The following LAMA1 variants were observed in gnomAD, a reference collection of about 807,000 sequenced individuals.
The protein encoded by LAMA1 is laminin subunit alpha-1.
In LAMA1, 219 loss-of-function variants were observed where a neutral mutation model predicts 348.7. The ratio of observed to expected loss-of-function variants is 0.63; its 90% CI spans 0.56 to 0.70. LAMA1 has a LOEUF of 0.70. Among genes scored for constraint, LAMA1 ranks in the 30% least tolerant of loss-of-function variants. LAMA1 has a pLI of 0.00. For synonymous variants in LAMA1, 1,487 were observed against 1,491.0 expected (o/e 1.00, Z 0.06); for missense variants, 3,744 against 3,888.0 (o/e 0.96, Z 0.99).
At chr18:7,100,708 G>A (rs2058288060) in intron 1 of LAMA1, among the ~76,000 whole-genome samples, 1 of 152,124 alleles carries the variant, frequency 6.6e-6, no homozygotes, top group South Asian at 2.1e-4. Context: ...GAGAGAAGTA[G>A]ACACAAAAGA....
chr18:7,107,243 T>A (rs192442573), intron 1 of LAMA1, among the ~76,000 whole-genome samples: 1 of 151,472 alleles, frequency 6.6e-6, no homozygotes, highest in Non-Finnish European at 1.5e-5. Flanking sequence ...CTCTGCCTCC[T>A]GAGTAGCTAG....
intron 36 of LAMA1, among the ~76,000 whole-genome samples, chr18:6,991,422 GCT>G (rs1363796044): frequency 1.9e-4 from 22 of 117,738 alleles, no homozygotes; most frequent in African/African-American, 7.4e-4. Context: ...ACGGAGTCTT[GCT>G]CTGTCGCCCA....
intron 33 of LAMA1, among the ~76,000 whole-genome samples, chr18:6,996,405 T>A (rs518044): frequency 9.2e-5 from 14 of 152,214 alleles, no homozygotes; most frequent in African/African-American, 3.1e-4. Flanking sequence ...TGCTACCTGG[T>A]GCACTGCATA....
intron 40 of LAMA1, among the ~76,000 whole-genome samples, 165 bp downstream of exon 40, chr18:6,982,934 C>T (rs1405357307): frequency 1.3e-5 from 2 of 152,056 alleles, no homozygotes; most frequent in Non-Finnish European, 2.9e-5. Context: ...GTATTTATGA[C>T]CTTAAAAAAT....
rs1190952646 is a variant in LAMA1 at position 7,044,698 on chromosome 18, C to A, written c.976+24G>T. On this transcript the variant is annotated intron_variant, in intron 7 of 62. Transcript: ENST00000389658. The stretch of plus-strand genomic sequence containing the variant: ...CGTATTAAGAGGAAAACTGTACTGA[C>A]CTTCAGATTCTAAGTATACTGACCT... 1.9e-6 allele frequency: 3 copies of A among 1,564,228 alleles called. No individual in the cohort carries two copies. The African/African-American group carries it at 4.1e-5, about 21-fold the overall frequency.
In LAMA1 at chr18:6,948,935, C is replaced by T. The variant is rs141704516; in HGVS notation, c.8556+166G>A. The stretch of plus-strand genomic sequence containing the variant: ...GAAAGACTGATCGGGTTCTGAGGGG[C>T]GGCCCTGGCACACGATCTGTGGACA... On this transcript the variant is annotated intron_variant, in intron 59 of 62. Coordinates refer to ENST00000389658, the MANE Select transcript of LAMA1 (RefSeq NM_005559.4). Among the ~76,000 whole-genome samples, 732 of 152,266 alleles carry T rather than the reference C, an allele frequency of 4.8e-3. 4 individuals carry two copies. The highest frequency in any genetic ancestry group is 7.3e-3 in the Non-Finnish European group (497 of 68,020).
At chr18:7,107,408 G>A (rs190254694) in intron 1 of LAMA1, among the ~76,000 whole-genome samples, 2 of 151,946 alleles carry the variant, frequency 1.3e-5, no homozygotes, top group African/African-American at 4.8e-5. Context: ...GTGAGCCACC[G>A]CCCCCAGCCA....
At chr18:7,002,478 A>G (rs572222491) in intron 29 of LAMA1, 93 bp from the exon 30 acceptor site, 2 of 1,304,188 alleles carry the variant, frequency 1.5e-6, no homozygotes, top group South Asian at 1.2e-5. Flanking sequence ...CACGTTTTAT[A>G]TCAGCTAGCT....
intron 54 of LAMA1, 49 bp downstream of exon 54, chr18:6,959,292 C>T (rs1360402970): frequency 1.2e-6 from 2 of 1,613,678 alleles, no homozygotes; most frequent in East Asian, 2.2e-5. Context: ...CACATTCCCT[C>T]TGAGCTCACC....
Position 6,955,482 on chromosome 18 carries a change from G to A in LAMA1, c.8095-17C>T. The A allele has an allele frequency of 6.2e-7, 1 of 1,600,684 alleles. No individual in the cohort carries two copies. Among genetic ancestry groups the A allele is most frequent in the East Asian group, 2.2e-5 (1 of 44,774 alleles). ...ACACTGTTCCTGTAAGAGACACACA[G>A]GGACACTCAGCCGCCACCCGCAGCC... On this transcript the variant is annotated splice_polypyrimidine_tract_variant and intron_variant, in intron 56 of 62. Transcript: ENST00000389658.
Position 6,978,339 on chromosome 18 carries a change from G to A in LAMA1, c.6047C>T (p.Thr2016Met), listed in dbSNP as rs757553691. Residue 2016 changes from threonine (T) to methionine (M), a missense_variant, in exon 43 of 63, where the codon ACG becomes ATG. By Grantham distance (81) the Thr-to-Met change is moderately conservative. This residue lies in a region of LAMA1 where 1,983 missense variants were observed against 1,934.3 expected (regional missense o/e 1.03). Coordinates refer to ENST00000389658, the MANE Select transcript of LAMA1 (RefSeq NM_005559.4). ...DKGAKTKELA[T>M]SASQSAVSTL... ...GCTCACCGCGCTCTGGCTTGCAGAC[G>A]TGGCCAGCTCTTTGGTTTTGGCTCC... The A allele has an allele frequency of 2.9e-5, 47 of 1,614,080 alleles. No homozygotes were observed. In the East Asian group the frequency reaches 4.5e-4, roughly 15 times the overall value.
At chr18:7,110,750 G>A (rs915365506) in intron 1 of LAMA1, among the ~76,000 whole-genome samples, 3 of 152,130 alleles carry the variant, frequency 2.0e-5, no homozygotes, top group Non-Finnish European at 4.4e-5. Context: ...TGAACTGGGA[G>A]GCGGAGGTTG....
chr18:7,039,060 A>G, intron 10 of LAMA1, 110 bp from the exon 11 acceptor site: 1 of 901,756 alleles, frequency 1.1e-6, no homozygotes, highest in Non-Finnish European at 1.9e-6. Flanking sequence ...CAGGTGAATA[A>G]ACGTCCAAAG....
chr18:7,010,152 CA>C, intron 26 of LAMA1, 47 bp downstream of exon 26: 8 of 1,600,714 alleles, frequency 5.0e-6, no homozygotes, highest in Non-Finnish European at 6.8e-6. Context: ...ACATCCATAG[CA>C]AAGTCAATGT....
chr18:7,011,084 G>A (rs2057857674), intron 25 of LAMA1, among the ~76,000 whole-genome samples: 1 of 152,114 alleles, frequency 6.6e-6, no homozygotes. Flanking sequence ...TTAATATAAC[G>A]TGAACTTAAA....
intron 56 of LAMA1, 182 bp downstream of exon 56, chr18:6,956,454 T>A (rs2057578569): frequency 1.1e-6 from 1 of 929,922 alleles, no homozygotes; most frequent in Admixed American, 1.8e-5. Context: ...CCGTGTCATC[T>A]GAGTTGCTTG....
chr18:6,966,023 A>AC (rs2057631391), intron 49 of LAMA1, 124 bp downstream of exon 49: 1 of 1,045,864 alleles, frequency 9.6e-7, no homozygotes, highest in Non-Finnish European at 1.4e-6. Flanking sequence ...GCATATGCTC[A>AC]TAAAAATTGT....
In LAMA1 at chr18:7,026,005, GGCGCAGGGCT is replaced by G; in HGVS notation, c.2366_2375del (p.Gln789ProfsTer6). On this transcript the variant is annotated frameshift_variant, in exon 17 of 63. Coordinates refer to ENST00000389658, the MANE Select transcript of LAMA1 (RefSeq NM_005559.4). LOFTEE classifies it high-confidence loss of function. ...TGTTGGAGGCTATGGTGAGAGGGCA[GGCGCAGGGCT>G]GGCAGTCCCCAGGTGTCCCTCGGGA... The G allele has an allele frequency of 6.2e-7, 1 of 1,609,170 alleles. No homozygotes were observed. The highest frequency in any genetic ancestry group is 8.5e-7 in the Non-Finnish European group (1 of 1,177,822).
rs1482695572 is a variant in LAMA1 at position 7,067,876 on chromosome 18, G to T, written c.345+12099C>A. 2.0e-5 allele frequency among the ~76,000 whole-genome samples: 3 copies of T among 149,562 alleles called. No homozygotes were observed. In the South Asian group the frequency reaches 6.3e-4, roughly 32 times the overall value. On this transcript the variant is annotated intron_variant, in intron 3 of 62. Transcript: ENST00000389658. ...TTTCGCATTTTTTTTTTTTTGAGAC[G>T]GCGTTTTGCTCTTGTTGCCCCGGCT...
Sources: allele counts gnomAD v4.1 joint callset (sites outside exome capture counted in the v4.1 genomes callset), GRCh38; gene constraint gnomAD v4.1.1; regional missense constraint gnomAD v4.1.1; transcripts MANE v1.5; gene names NCBI Gene and HGNC (gene_info 2026-07-23, HGNC 2026-07-21).